Variants in THSD7B observed in about 807,000 individuals in gnomAD.
THSD7B encodes thrombospondin type-1 domain-containing protein 7B.
A neutral mutation model predicts 213.6 loss-of-function variants in THSD7B; 138 were observed. The observed-to-expected ratio is 0.65, with a 90% CI of 0.56 to 0.74. THSD7B has a LOEUF of 0.74. THSD7B is among the 30% of genes least tolerant of loss of function. The pLI, the probability that THSD7B is intolerant of heterozygous loss-of-function variation, is 0.00. For missense variants in THSD7B, 1,931 were observed against 1,991.5 expected (o/e 0.97, Z 0.58); for synonymous variants, 742 against 687.0 (o/e 1.08, Z -1.25).
Position 137,616,096 on chromosome 2 carries a change from C to A in THSD7B, c.3424-79C>A, listed in dbSNP as rs1038220115. On this transcript the variant is annotated intron_variant, in intron 17 of 27. Coordinates refer to ENST00000409968, the MANE Select transcript of THSD7B (RefSeq NM_001316349.2). ...TATTCCCTATATTGTTACATATGTG[C>A]CTACTTATACCTGTATATCTTATAT... The A allele has an allele frequency of 2.1e-6, 3 of 1,417,218 alleles. No individual in the cohort carries two copies. The African/African-American group carries it at 4.3e-5, about 21-fold the overall frequency. 87.8% of individuals were successfully genotyped at this position (1,417,218 alleles called of 1,614,324 possible).
chr2:137,238,937 T>C (rs1173230016), intron 9 of THSD7B, among the ~76,000 whole-genome samples: 1 of 135,084 alleles, frequency 7.4e-6, no homozygotes, highest in Non-Finnish European at 1.5e-5. Context: ...GTATTAAAGA[T>C]AGTTAATAAT....
intron 3 of THSD7B, among the ~76,000 whole-genome samples, chr2:137,076,776 A>T (rs1176696016): frequency 6.6e-6 from 1 of 151,696 alleles, no homozygotes; most frequent in Non-Finnish European, 1.5e-5. Flanking sequence ...CCATCCTCAC[A>T]TTCCCACTGC....
At chr2:137,608,117 C>T (rs1682219691) in intron 17 of THSD7B, among the ~76,000 whole-genome samples, 1 of 152,188 alleles carries the variant, frequency 6.6e-6, no homozygotes, top group Non-Finnish European at 1.5e-5. Context: ...AAGCCAGGCC[C>T]CTAGACTGGG....
chr2:137,546,477 TAATATATATATATA>T lies in THSD7B; in HGVS notation c.3139-16743_3139-16730del, dbSNP rs1680741270. Among the ~76,000 whole-genome samples, 4 of 59,832 alleles carry T rather than the reference TAATATATATATATA, an allele frequency of 6.7e-5. No individual in the cohort carries two copies. In the East Asian group the frequency reaches 1.9e-3, roughly 29 times the overall value. 39.3% of individuals were successfully genotyped at this position (59,832 alleles called of 152,430 possible). ...ATATTATATATAATATATATATATATAATATATATATATATATATTAACATACCTATTGAGCACA... is the reference window on the plus strand; with the variant it reads ...ATATTATATATAATATATATATATATTATATTAACATACCTATTGAGCACA... On this transcript the variant is annotated intron_variant, in intron 15 of 27. Transcript: ENST00000409968.
At chr2:137,056,108 A>G (rs990340108) in intron 2 of THSD7B, among the ~76,000 whole-genome samples, 2 of 152,198 alleles carry the variant, frequency 1.3e-5, no homozygotes, top group East Asian at 3.9e-4. Flanking sequence ...TGTCTACTTG[A>G]CACATTGTAT....
At chr2:137,562,418 A>G (rs1161195488) in intron 15 of THSD7B, among the ~76,000 whole-genome samples, 1 of 152,110 alleles carries the variant, frequency 6.6e-6, no homozygotes, top group African/African-American at 2.4e-5. Flanking sequence ...AGAGGTAGAC[A>G]AACTCAATTG....
At chr2:137,295,536 T>C (rs1162740168) in intron 12 of THSD7B, among the ~76,000 whole-genome samples, 1 of 152,082 alleles carries the variant, frequency 6.6e-6, no homozygotes, top group Non-Finnish European at 1.5e-5. Flanking sequence ...AGGGCAGTGG[T>C]GTGATCTCGG....
At position 136,910,711 on chromosome 2, in the gene THSD7B, C is replaced by A. The variant is rs560071434; in HGVS notation, c.139+28394C>A. ...AACACATAAACATGAGTTTGAATGC[C>A]GGTTTTGCTACTACTTTGCTGGTTT... On this transcript the variant is annotated intron_variant, in intron 2 of 27. Transcript: ENST00000409968. Among the ~76,000 whole-genome samples, 5 of 152,044 alleles carry A rather than the reference C, an allele frequency of 3.3e-5. No individual in the cohort carries two copies. The East Asian group carries it at 9.7e-4, about 29-fold the overall frequency.
At chr2:137,425,756 CTT>C (rs763260313) in intron 14 of THSD7B, among the ~76,000 whole-genome samples, 1 of 152,082 alleles carries the variant, frequency 6.6e-6, no homozygotes, top group Non-Finnish European at 1.5e-5. Context: ...AAGTTGAAAG[CTT>C]TTTCTCTGTG....
At chr2:137,655,296 A>T (rs1010551702) in intron 21 of THSD7B, among the ~76,000 whole-genome samples, 4 of 152,126 alleles carry the variant, frequency 2.6e-5, no homozygotes, top group African/African-American at 7.2e-5. Flanking sequence ...CCATGGCATG[A>T]TTTGCATTCC....
rs1359393673 is a variant in THSD7B at position 136,940,741 on chromosome 2, TA to T, written c.139+58425del. On this transcript the variant is annotated intron_variant, in intron 2 of 27. Transcript: ENST00000409968. ...TATATATATATAATATATATATATA[TA>T]TTTTTTCTTATTCCCATTCTTAGGA... 1.7e-4 allele frequency among the ~76,000 whole-genome samples: 22 copies of T among 132,174 alleles called. No homozygotes were observed. In the South Asian group the frequency reaches 3.6e-3, roughly 22 times the overall value. The allele number at this position is 132,174 out of a possible 152,430, so 86.7% of individuals were successfully genotyped here. A position where few individuals can be genotyped will look rare whatever the true frequency, so the allele number is the denominator to read the frequency against.
intron 3 of THSD7B, among the ~76,000 whole-genome samples, chr2:137,084,120 A>T (rs184770799): frequency 6.6e-6 from 1 of 152,212 alleles, no homozygotes; most frequent in East Asian, 1.9e-4. Flanking sequence ...CTCTCTAGGA[A>T]TATGTTTATT....
chr2:136,797,279 G>A lies in THSD7B; in HGVS notation c.-36+31592G>A, dbSNP rs190296633. ...ATCCCCTTCTTCCCTCAAGTCAAGG[G>A]AAAGATGTAAATAAACACTTTCTCT... On this transcript the variant is annotated intron_variant, in intron 1 of 27. Coordinates refer to ENST00000409968, the MANE Select transcript of THSD7B (RefSeq NM_001316349.2). Among the ~76,000 whole-genome samples, 978 of 151,960 alleles carry A rather than the reference G, an allele frequency of 6.4e-3. 6 individuals carry two copies. The highest frequency in any genetic ancestry group is 0.013 in the Admixed American group (196 of 15,220).
chr2:136,916,789 T>C (rs569309240), intron 2 of THSD7B, among the ~76,000 whole-genome samples: 3 of 152,260 alleles, frequency 2.0e-5, no homozygotes, highest in South Asian at 2.1e-4. Flanking sequence ...TCCACACTCA[T>C]AGGTAGTGAT....
intron 1 of THSD7B, among the ~76,000 whole-genome samples, chr2:136,801,228 T>C (rs1223557065): frequency 6.6e-6 from 1 of 152,084 alleles, no homozygotes; most frequent in Non-Finnish European, 1.5e-5. Context: ...CTAAAATAAA[T>C]CTTGAAATGT....
chr2:137,448,605 T>C (rs1356867222), intron 14 of THSD7B, among the ~76,000 whole-genome samples: 1 of 151,926 alleles, frequency 6.6e-6, no homozygotes. Flanking sequence ...GTCAGGAGAT[T>C]GACACCACGG....
intron 12 of THSD7B, among the ~76,000 whole-genome samples, chr2:137,326,134 T>C (rs542914779): frequency 6.6e-6 from 1 of 152,258 alleles, no homozygotes; most frequent in Admixed American, 6.5e-5. Context: ...TTAAGGGGAA[T>C]TATGTTAGAT....
intron 1 of THSD7B, among the ~76,000 whole-genome samples, chr2:136,857,195 T>C (rs1303290951): frequency 6.6e-6 from 1 of 152,222 alleles, no homozygotes; most frequent in Non-Finnish European, 1.5e-5. Context: ...AATTTGGAAA[T>C]ATGAATTCAT....
Position 137,094,894 on chromosome 2 carries a change from C to T in THSD7B, c.972C>T (p.Phe324=). Residue 324 remains phenylalanine, a synonymous_variant, in exon 4 of 28, where the codon TTC becomes TTT. Transcript: ENST00000409968. ...AMLSLCLQDS[F]PLTVQSCIMP... ...TCAGCCTTTGCCTTCAAGATTCCTT[C>T]CCATTGACTGTTCAGTCCTGCATCA... 6.2e-7 allele frequency: 1 copy of T among 1,613,324 alleles called. No individual in the cohort carries two copies. The highest frequency in any genetic ancestry group is 8.5e-7 in the Non-Finnish European group (1 of 1,179,546).
Sources: allele counts gnomAD v4.1 joint callset (sites outside exome capture counted in the v4.1 genomes callset), GRCh38; gene constraint gnomAD v4.1.1; transcripts MANE v1.5; gene names NCBI Gene and HGNC (gene_info 2026-07-23, HGNC 2026-07-21).